Variants in TENM4 observed in about 807,000 individuals in gnomAD.
The protein encoded by TENM4 is teneurin-4.
Under a neutral mutation model 243.3 loss-of-function variants are expected in TENM4, and 82 were observed. The observed-to-expected ratio is 0.34, with a 90% CI of 0.28 to 0.40. The LOEUF (loss-of-function observed/expected upper bound fraction) is 0.40. Among genes scored for constraint, TENM4 ranks in the 10% least tolerant of loss-of-function variants. TENM4 has a pLI of 1.00. For synonymous variants in TENM4, 1,412 were observed against 1,456.3 expected (o/e 0.97, Z 0.69); for missense variants, 3,138 against 3,673.3 (o/e 0.85, Z 3.77).
chr11:79,019,301 C>T (rs1417958103), intron 6 of TENM4, among the ~76,000 whole-genome samples: 1 of 152,170 alleles, frequency 6.6e-6, no homozygotes, highest in East Asian at 1.9e-4. Context: ...AGCATGGTCA[C>T]TAACCTGAGC....
rs1050585071 is a variant in TENM4 at position 79,096,924 on chromosome 11, G to GCACACACACACACACA, written c.-65-26916_-65-26915insTGTGTGTGTGTGTGTG. On this transcript the variant is annotated intron_variant, in intron 4 of 33. Coordinates refer to ENST00000278550, the MANE Select transcript of TENM4 (RefSeq NM_001098816.3). Reference sequence around the variant, plus strand: ...TGGGCATGCACGCACATGCGCGCGCGCGCGCACACACACACACACACACAC... The same window carrying GCACACACACACACACA: ...TGGGCATGCACGCACATGCGCGCGCGCACACACACACACACACGCGCACACACACACACACACACAC... 9 of 121,298 alleles carry GCACACACACACACACA rather than the reference G, an allele frequency of 7.4e-5. No individual in the cohort carries two copies. The South Asian group carries it at 2.2e-3, about 30-fold the overall frequency. 7.5% of individuals were successfully genotyped at this position (121,298 alleles called of 1,614,324 possible). A position where few individuals can be genotyped will look rare whatever the true frequency, so the allele number is the denominator to read the frequency against.
chr11:78,855,900 C>T (rs1028037875), intron 11 of TENM4, 64 bp downstream of exon 11: 2 of 1,488,576 alleles, frequency 1.3e-6, no homozygotes, highest in Admixed American at 4.1e-5. Flanking sequence ...GGCTTCTTAA[C>T]TTTGGGTTAA....
At chr11:79,073,573 T>A (rs181644598) in intron 4 of TENM4, among the ~76,000 whole-genome samples, 1 of 152,320 alleles carries the variant, frequency 6.6e-6, no homozygotes, top group Non-Finnish European at 1.5e-5. Flanking sequence ...AGTAAAGTAT[T>A]ACGTAAATCT....
chr11:78,741,552 A>T (rs1855930464), intron 19 of TENM4, among the ~76,000 whole-genome samples: 1 of 152,208 alleles, frequency 6.6e-6, no homozygotes, highest in Non-Finnish European at 1.5e-5. Flanking sequence ...AGAAAGTAGT[A>T]AGTTTTGAGT....
chr11:78,848,698 C>T (rs983985843), intron 12 of TENM4, among the ~76,000 whole-genome samples: 6 of 152,232 alleles, frequency 3.9e-5, no homozygotes, highest in Admixed American at 3.3e-4. Context: ...GAGCTGTTTA[C>T]CGTATAAATC....
At chr11:78,758,685 A>G (rs534890593) in intron 18 of TENM4, among the ~76,000 whole-genome samples, 2 of 152,302 alleles carry the variant, frequency 1.3e-5, no homozygotes, top group South Asian at 4.1e-4. Context: ...TGATTGTCCT[A>G]AAACCTAGTT....
chr11:78,981,592 G>A (rs775530755), intron 6 of TENM4, among the ~76,000 whole-genome samples: 13 of 152,158 alleles, frequency 8.5e-5, no homozygotes, highest in African/African-American at 1.2e-4. Context: ...TTCCCTGGAC[G>A]GGGAATCATC....
intron 9 of TENM4, among the ~76,000 whole-genome samples, chr11:78,881,407 G>C (rs1855430628): frequency 6.6e-6 from 1 of 152,158 alleles, no homozygotes; most frequent in Non-Finnish European, 1.5e-5. Flanking sequence ...GTGAGGTGGA[G>C]ATTTCCGTTC....
chr11:79,416,877 C>CAA lies in TENM4; in HGVS notation c.-321+23630_-321+23631dup, dbSNP rs139883102. On this transcript the variant is annotated intron_variant, in intron 1 of 33. Transcript: ENST00000278550. ...ATTTTGGTACATAACCAGACAATGG[C>CAA]AAAAAAAAAAGAAAAAAAAAGACAG... Among the ~76,000 whole-genome samples, 836 of 145,534 alleles carry CAA rather than the reference C, an allele frequency of 5.7e-3. 3 individuals are homozygous for CAA. Among genetic ancestry groups the CAA allele is most frequent in the Non-Finnish European group, 9.5e-3 (628 of 66,004 alleles).
rs902685512 is a variant in TENM4, at chr11:79,300,490, CT to C, written c.-320-2948del. Among the ~76,000 whole-genome samples the C allele has an allele frequency of 1.2e-3, 188 of 152,150 alleles. 19 individuals are homozygous for C. On this transcript the variant is annotated intron_variant, in intron 1 of 33. Transcript: ENST00000278550. ...TCTTGTAGGGTTGTTTGATTATATG[CT>C]TATACTGTATTGCTTAACATTTTAA...
At chr11:79,021,599 G>A (rs773481512) in intron 6 of TENM4, 2 of 152,228 alleles carry the variant, frequency 1.3e-5, no homozygotes, top group Non-Finnish European at 2.9e-5. Context: ...TCTGCTCCAT[G>A]TATGGGCAAA....
At chr11:78,926,441 T>A (rs921470915) in intron 6 of TENM4, among the ~76,000 whole-genome samples, 3 of 151,928 alleles carry the variant, frequency 2.0e-5, no homozygotes, top group African/African-American at 7.3e-5. Flanking sequence ...GCCTGGCTAA[T>A]TTTTGTATTT....
At chr11:78,878,407 C>A (rs774514575) in intron 9 of TENM4, among the ~76,000 whole-genome samples, 1 of 152,112 alleles carries the variant, frequency 6.6e-6, no homozygotes, top group Non-Finnish European at 1.5e-5. Context: ...TTGTGAGGAG[C>A]ACCACAAGCA....
chr11:79,431,544 G>T (rs1169359148), intron 1 of TENM4, among the ~76,000 whole-genome samples: 1 of 152,168 alleles, frequency 6.6e-6, no homozygotes, highest in Non-Finnish European at 1.5e-5. Flanking sequence ...ACCTAAAAGG[G>T]TATATTAATT....
At chr11:78,898,173 G>T (rs950179410) in intron 7 of TENM4, among the ~76,000 whole-genome samples, 1 of 152,192 alleles carries the variant, frequency 6.6e-6, no homozygotes, top group Non-Finnish European at 1.5e-5. Context: ...AGGGAGCACA[G>T]GTAGGCCCAG....
intron 17 of TENM4, among the ~76,000 whole-genome samples, chr11:78,776,078 C>G (rs1401323007): frequency 6.6e-6 from 1 of 152,120 alleles, no homozygotes; most frequent in African/African-American, 2.4e-5. Flanking sequence ...ATTCACTTCC[C>G]TAGACAAAGC....
chr11:79,061,218 T>C (rs549690322), intron 6 of TENM4, among the ~76,000 whole-genome samples: 21 of 152,356 alleles, frequency 1.4e-4, no homozygotes, highest in Middle Eastern at 3.4e-3. Flanking sequence ...ATTCCCATGA[T>C]TGCTGTCATT....
intron 2 of TENM4, among the ~76,000 whole-genome samples, chr11:79,240,453 A>C (rs951120906): frequency 1.3e-5 from 2 of 152,160 alleles, no homozygotes; most frequent in African/African-American, 4.8e-5. Flanking sequence ...TCCTCCAGAA[A>C]GCCCACCTGG....
At chr11:79,136,480 G>T (rs1440093918) in intron 4 of TENM4, among the ~76,000 whole-genome samples, 2 of 152,104 alleles carry the variant, frequency 1.3e-5, no homozygotes, top group Non-Finnish European at 2.9e-5. Context: ...CACCAAGAGT[G>T]GCTACAGCCA....
Sources: allele counts gnomAD v4.1 joint callset (sites outside exome capture counted in the v4.1 genomes callset), GRCh38; gene constraint gnomAD v4.1.1; transcripts MANE v1.5; gene names NCBI Gene and HGNC (gene_info 2026-07-23, HGNC 2026-07-21).